CNNM2: variants seen among roughly 807,000 people sequenced by gnomAD.
The protein encoded by CNNM2 is metal transporter CNNM2.
Under a neutral mutation model 66.9 loss-of-function variants are expected in CNNM2, and 12 were observed. That is an observed-to-expected ratio of 0.18 (90% CI 0.11 to 0.29). The LOEUF (loss-of-function observed/expected upper bound fraction) is 0.29. CNNM2 is among the 10% of genes least tolerant of loss of function. The pLI is 1.00. For synonymous variants in CNNM2, 557 were observed against 501.8 expected (o/e 1.11, Z -1.47); for missense variants, 705 against 1,167.7 (o/e 0.60, Z 5.77).
At chr10:102,927,285 A>G in intron 1 of CNNM2, 1 of 1,606,624 alleles carries the variant, frequency 6.2e-7, no homozygotes, top group Non-Finnish European at 8.5e-7. Flanking sequence ...GAAGTGGATC[A>G]CTAGGATTGA....
In CNNM2 at chr10:102,949,004, C is replaced by G. The variant is rs563791777; in HGVS notation, c.1621+28903C>G. ...GCTGTCTGACCTCACATACGCTGCT[C>G]TCTTTTATGGCACTCTGCCTTTTTA... On this transcript the variant is annotated intron_variant, in intron 1 of 7. Coordinates refer to ENST00000369878, the MANE Select transcript of CNNM2 (RefSeq NM_017649.5). Among the ~76,000 whole-genome samples the G allele has an allele frequency of 2.6e-5, 4 of 152,324 alleles. No homozygotes were observed. The South Asian group carries it at 8.3e-4, about 32-fold the overall frequency.
At chr10:102,980,345 C>T (rs1295430327) in intron 1 of CNNM2, among the ~76,000 whole-genome samples, 3 of 149,364 alleles carry the variant, frequency 2.0e-5, no homozygotes, top group African/African-American at 7.4e-5. Context: ...TTTCATAGCT[C>T]ACTGCAGCCT....
chr10:103,069,155 C>G (rs1163070092), intron 5 of CNNM2, among the ~76,000 whole-genome samples: 1 of 152,236 alleles, frequency 6.6e-6, no homozygotes, highest in African/African-American at 2.4e-5. Context: ...TGTGATCACA[C>G]TATTTCCTCT....
chr10:102,966,604 G>T (rs1486401946), intron 1 of CNNM2, among the ~76,000 whole-genome samples: 1 of 152,218 alleles, frequency 6.6e-6, no homozygotes, highest in African/African-American at 2.4e-5. Context: ...TCCAGCCTGG[G>T]CAACAGAGCG....
chr10:103,027,558 A>G (rs951251997), intron 1 of CNNM2: 1 of 152,226 alleles, frequency 6.6e-6, no homozygotes, highest in African/African-American at 2.4e-5. Flanking sequence ...TAGAGTTGCT[A>G]TATTGAACTT....
At chr10:103,045,275 A>G (rs1423131462) in intron 1 of CNNM2, among the ~76,000 whole-genome samples, 1 of 152,174 alleles carries the variant, frequency 6.6e-6, no homozygotes, top group Non-Finnish European at 1.5e-5. Context: ...CCTCTGCTCA[A>G]AATGTTTTCA....
At chr10:102,999,246 T>TC in intron 1 of CNNM2, among the ~76,000 whole-genome samples, 1 of 150,084 alleles carries the variant, frequency 6.7e-6, no homozygotes, top group East Asian at 2.0e-4. Context: ...AATTTTTTTT[T>TC]TTTTTTTTTG....
chr10:103,026,155 A>G (rs1045111191), intron 1 of CNNM2, among the ~76,000 whole-genome samples: 1 of 152,222 alleles, frequency 6.6e-6, no homozygotes. Context: ...ACTGTAAGAA[A>G]TCTGTTCTTC....
intron 1 of CNNM2, chr10:102,927,570 C>T (rs960309108): frequency 2.3e-5 from 23 of 1,010,888 alleles, no homozygotes; most frequent in Admixed American, 5.8e-5. Context: ...GACTGACAGT[C>T]TGGCCACCAT....
intron 1 of CNNM2, among the ~76,000 whole-genome samples, chr10:102,934,158 C>T (rs983937527): frequency 6.6e-6 from 1 of 151,730 alleles, no homozygotes; most frequent in African/African-American, 2.4e-5. Flanking sequence ...AGTAAGTTTT[C>T]TGTCCCAGAT....
intron 1 of CNNM2, among the ~76,000 whole-genome samples, chr10:102,980,786 C>T (rs1363511204): frequency 2.6e-5 from 4 of 152,172 alleles, no homozygotes; most frequent in Admixed American, 1.3e-4. Flanking sequence ...ATTATTATGA[C>T]TACATAAAGA....
Position 103,015,474 on chromosome 10 carries a change from C to CTTT in CNNM2, c.1622-34231_1622-34230insTTT, listed in dbSNP as rs34286991. Among the ~76,000 whole-genome samples, 61,690 of 151,688 alleles carry CTTT rather than the reference C, an allele frequency of 0.41. 12,716 individuals are homozygous for CTTT. Among genetic ancestry groups the CTTT allele is most frequent in the East Asian group, 0.56 (2,857 of 5,142 alleles). On this transcript the variant is annotated intron_variant, in intron 1 of 7. Coordinates refer to ENST00000369878, the MANE Select transcript of CNNM2 (RefSeq NM_017649.5). ...TAATAATTTGGATTGATTTATAACA[C>CTTT]TTACAAATTATTGGAAACTCATGTA...
chr10:103,048,376 C>G (rs1336094019), intron 1 of CNNM2, among the ~76,000 whole-genome samples: 1 of 152,028 alleles, frequency 6.6e-6, no homozygotes, highest in Non-Finnish European at 1.5e-5. Context: ...CCACCACATC[C>G]AGCTAGTTTT....
chr10:102,922,470 C>T (rs778239156), intron 1 of CNNM2, among the ~76,000 whole-genome samples: 6 of 151,994 alleles, frequency 3.9e-5, no homozygotes, highest in Admixed American at 6.6e-5. Context: ...AACAATCAAC[C>T]TTTTATTTTT....
chr10:102,989,116 G>C (rs1326234401), intron 1 of CNNM2, among the ~76,000 whole-genome samples: 1 of 152,150 alleles, frequency 6.6e-6, no homozygotes, highest in African/African-American at 2.4e-5. Context: ...ATTTAGTTCT[G>C]TGCAAACAGG....
intron 6 of CNNM2, among the ~76,000 whole-genome samples, chr10:103,074,313 C>T (rs1014279612): frequency 3.3e-5 from 5 of 151,840 alleles, no homozygotes; most frequent in Admixed American, 6.6e-5. Context: ...AAAGGGTACC[C>T]GGTACCATCA....
chr10:103,034,991 TCTC>T (rs1209837232), intron 1 of CNNM2, among the ~76,000 whole-genome samples: 1 of 117,326 alleles, frequency 8.5e-6, no homozygotes, highest in Non-Finnish European at 1.9e-5. Context: ...AAAAAAAAAA[TCTC>T]CTACTATTGG....
At chr10:102,927,524 C>T in intron 1 of CNNM2, 2 of 1,481,664 alleles carry the variant, frequency 1.3e-6, no homozygotes, top group Non-Finnish European at 1.8e-6. Context: ...CTTTGGGAGG[C>T]CCAGGGAGGT....
rs1257958262 is a variant in CNNM2 at position 102,918,495 on chromosome 10, C to T, written c.15C>T (p.Gly5=). The part of the protein sequence containing the change: MIGC[G]ACEPKVKMAG... Reference sequence around the variant, plus strand: ...GCAGCCACCCTATGATTGGCTGTGGCGCTTGTGAACCCAAAGTAAAGATGG... The same window carrying T: ...GCAGCCACCCTATGATTGGCTGTGGTGCTTGTGAACCCAAAGTAAAGATGG... Residue 5 remains glycine, a synonymous_variant, in exon 1 of 8, where the codon GGC becomes GGT. Coordinates refer to ENST00000369878, the MANE Select transcript of CNNM2 (RefSeq NM_017649.5). The surrounding 1 kb of genome is among the most constrained non-coding windows in gnomAD (Gnocchi z 4.1). 1.2e-6 allele frequency: 2 copies of T among 1,607,010 alleles called. No individual in the cohort carries two copies. The highest frequency in any genetic ancestry group is 2.7e-5 in the African/African-American group (2 of 74,446).
Sources: allele counts gnomAD v4.1 joint callset (sites outside exome capture counted in the v4.1 genomes callset), GRCh38; gene constraint gnomAD v4.1.1; non-coding constraint Gnocchi (gnomAD v3.1); transcripts MANE v1.5; gene names NCBI Gene and HGNC (gene_info 2026-07-23, HGNC 2026-07-21).